ALMS1: variants seen among roughly 807,000 people sequenced by gnomAD.
ALMS1 encodes ALMS1 centrosome and basal body associated protein.
Under a neutral mutation model 352.2 loss-of-function variants are expected in ALMS1, and 271 were observed. The observed-to-expected ratio is 0.77, with a 90% CI of 0.70 to 0.85. The LOEUF (loss-of-function observed/expected upper bound fraction) is 0.85, where lower values mean the gene tolerates loss of function less well. Among genes scored for constraint, ALMS1 ranks in the 40% least tolerant of loss-of-function variants. ALMS1 has a pLI of 0.00. For synonymous variants in ALMS1, 1,865 were observed against 1,761.2 expected, an observed-to-expected ratio of 1.06 and a Z score of -1.48; for missense variants, 5,445 against 4,870.7, an observed-to-expected ratio of 1.12 and a Z score of -3.51.
At chr2:73,474,593 GTC>G (rs1672545728) in intron 9 of ALMS1, among the ~76,000 whole-genome samples, 1 of 152,034 alleles carries the variant, frequency 6.6e-6, no homozygotes, top group African/African-American at 2.4e-5. Flanking sequence ...TTCCACCTCA[GTC>G]TCTCAAAGTG....
chr2:73,574,101 A>G (rs1227173178), intron 16 of ALMS1, among the ~76,000 whole-genome samples: 2 of 152,190 alleles, frequency 1.3e-5, no homozygotes, highest in Non-Finnish European at 2.9e-5. Context: ...TTTAATATAA[A>G]AAGAGAACAA....
At position 73,424,699 on chromosome 2, in the gene ALMS1, A is replaced by G. The variant is rs775233432; in HGVS notation, c.1034A>G (p.Tyr345Cys). ...DCDRYDDLCS[Y>C]MSWKTRKDTQ... ...GATCGTTATGATGATCTTTGTTCAT[A>G]TATGTCATGGAAGACACGAAAAGAT... The change falls in exon 5 of 23, where the codon TAT becomes TGT. Residue 345 changes from tyrosine to cysteine, a missense_variant. By Grantham distance (194) the Tyr-to-Cys change is radical. Transcript: ENST00000613296. 2.0e-5 allele frequency: 33 copies of G among 1,614,034 alleles called. No homozygotes were observed. Among genetic ancestry groups the G allele is most frequent in the South Asian group, 8.8e-5 (8 of 91,080 alleles).
At chr2:73,536,684 G>T (rs1674036491) in intron 12 of ALMS1, among the ~76,000 whole-genome samples, 1 of 152,008 alleles carries the variant, frequency 6.6e-6, no homozygotes, top group Non-Finnish European at 1.5e-5. Flanking sequence ...ATACATCATT[G>T]TTAGCAAATA....
chr2:73,482,947 T>C (rs1672746018), intron 9 of ALMS1, among the ~76,000 whole-genome samples: 2 of 152,358 alleles, frequency 1.3e-5, no homozygotes, highest in South Asian at 2.1e-4. Flanking sequence ...TTTTTAATTG[T>C]GTCTATTTGA....
Position 73,453,259 on chromosome 2 carries a change from T to G in ALMS1, c.6732T>G (p.Val2244=), listed in dbSNP as rs1671987720. The change falls in exon 8 of 23, where the codon GTT becomes GTG. Residue 2244 remains valine, a synonymous_variant. Coordinates refer to ENST00000613296, the MANE Select transcript of ALMS1 (RefSeq NM_001378454.1). ...CAGAATCTGCAGGTTTTAGAGATGT[T>G]GGCTCTGAAGAAATCCAGGATGCAG... The part of the protein sequence containing the change: ...NKPESAGFRD[V]GSEEIQDAEN... The G allele has an allele frequency of 6.2e-7, 1 of 1,613,900 alleles. No individual in the cohort carries two copies.
At position 73,573,211 on chromosome 2, in the gene ALMS1, G is replaced by A. The variant is rs1674981904; in HGVS notation, c.11334G>A (p.Arg3778=). 1 of 1,612,986 alleles carries A rather than the reference G, an allele frequency of 6.2e-7. No homozygotes were observed. The change falls in exon 16 of 23, where the codon AGG becomes AGA. Residue 3778 remains arginine (R), a synonymous_variant. Transcript: ENST00000613296. ...ATAGAGAGGTGGCTCTGCACGAAAG[G>A]AGTAGCTCTGTTTCCACTATTGACA... is the stretch of plus-strand genomic sequence containing the variant. The part of the protein sequence containing the change: ...QTDREVALHE[R]SSSVSTIDTA...
At chr2:73,478,886 G>C (rs1415163876) in intron 9 of ALMS1, among the ~76,000 whole-genome samples, 1 of 151,812 alleles carries the variant, frequency 6.6e-6, no homozygotes, top group Non-Finnish European at 1.5e-5. Flanking sequence ...TCCCCTCCCT[G>C]TGTCCATGTG....
chr2:73,581,044 G>C (rs1675166544), intron 16 of ALMS1, among the ~76,000 whole-genome samples: 1 of 152,162 alleles, frequency 6.6e-6, no homozygotes, highest in Non-Finnish European at 1.5e-5. Context: ...AAAGTGTCTG[G>C]TCTTCTCAGG....
chr2:73,544,784 G>T (rs527722983), intron 12 of ALMS1, among the ~76,000 whole-genome samples: 33 of 152,316 alleles, frequency 2.2e-4, no homozygotes, highest in African/African-American at 7.9e-4. Flanking sequence ...ATTCACAGTG[G>T]CCAAGAGGTG....
At chr2:73,462,190 T>C (rs1009468373) in intron 9 of ALMS1, among the ~76,000 whole-genome samples, 1 of 152,068 alleles carries the variant, frequency 6.6e-6, no homozygotes, top group African/African-American at 2.4e-5. Flanking sequence ...GAAAAAATGT[T>C]AAGGACAGCC....
intron 9 of ALMS1, among the ~76,000 whole-genome samples, chr2:73,467,312 A>G (rs574347817): frequency 2.0e-5 from 3 of 152,274 alleles, no homozygotes; most frequent in Admixed American, 1.3e-4. Context: ...AGACTTCACT[A>G]GGTGTCTCAT....
intron 9 of ALMS1, among the ~76,000 whole-genome samples, chr2:73,471,651 A>G (rs1191005089): frequency 6.6e-6 from 1 of 151,968 alleles, no homozygotes; most frequent in East Asian, 1.9e-4. Context: ...ATGCAAATCA[A>G]AACCACAATG....
Position 73,453,667 on chromosome 2 carries a change from A to G in ALMS1, c.7140A>G (p.Gln2380=), listed in dbSNP as rs375593700. Residue 2380 remains glutamine, a synonymous_variant, in exon 8 of 23, where the codon CAA becomes CAG. Coordinates refer to ENST00000613296, the MANE Select transcript of ALMS1 (RefSeq NM_001378454.1). ...TGGCATTAGAAGAAACTCTTAGGCAATATCAAGCAGCCAAATCTGTAATGA... is the reference window on the plus strand; with the variant it reads ...TGGCATTAGAAGAAACTCTTAGGCAGTATCAAGCAGCCAAATCTGTAATGA... ...VSMALEETLR[Q]YQAAKSVMRS... 1.1e-4 allele frequency: 176 copies of G among 1,614,030 alleles called. No individual in the cohort carries two copies. Among genetic ancestry groups the G allele is most frequent in the Non-Finnish European group, 1.4e-4 (167 of 1,180,022 alleles).
intron 9 of ALMS1, among the ~76,000 whole-genome samples, chr2:73,488,667 C>T (rs908961712): frequency 1.3e-5 from 2 of 152,198 alleles, no homozygotes; most frequent in Non-Finnish European, 2.9e-5. Context: ...GCAGCCACTC[C>T]AGATGGGATG....
At chr2:73,601,604 A>G (rs1675690680) in intron 19 of ALMS1, among the ~76,000 whole-genome samples, 168 bp downstream of exon 19, 1 of 152,184 alleles carries the variant, frequency 6.6e-6, no homozygotes, top group East Asian at 1.9e-4. Context: ...GTTTCTCATC[A>G]TCTGTCAAAG....
At chr2:73,395,072 A>AT (rs1558628491) in intron 1 of ALMS1, among the ~76,000 whole-genome samples, 58 of 107,578 alleles carry the variant, frequency 5.4e-4, no homozygotes, top group Non-Finnish European at 7.2e-4. Flanking sequence ...ATATATATAT[A>AT]TATATATTTT....
chr2:73,557,407 G>A, intron 14 of ALMS1, 53 bp downstream of exon 14: 2 of 1,609,886 alleles, frequency 1.2e-6, no homozygotes, highest in Non-Finnish European at 1.7e-6. Context: ...TCTAAAATGA[G>A]ACTATTCCCT....
At chr2:73,515,234 TTTA>T (rs1412353189) in intron 10 of ALMS1, among the ~76,000 whole-genome samples, 4 of 152,178 alleles carry the variant, frequency 2.6e-5, no homozygotes, top group African/African-American at 9.6e-5. Context: ...ATAATGTATT[TTTA>T]TTCTGAAATA....
intron 11 of ALMS1, among the ~76,000 whole-genome samples, chr2:73,531,334 T>A (rs1673905658): frequency 6.6e-6 from 1 of 152,240 alleles, no homozygotes; most frequent in Non-Finnish European, 1.5e-5. Context: ...ATCATCTCTT[T>A]CAAGTTCAGA....
Sources: gnomAD v4.1 joint callset for allele counts (sites outside exome capture counted in the v4.1 genomes callset) on GRCh38, gnomAD v4.1.1 for gene constraint, MANE v1.5 for transcripts, NCBI Gene and HGNC (gene_info 2026-07-23, HGNC 2026-07-21) for gene names.